Variants in ENTREP2 observed in about 807,000 individuals in gnomAD.
ENTREP2 encodes endosomal transmembrane epsin interactor 2.
the ENTREP2 span, among the ~76,000 whole-genome samples, chr15:29,325,574 T>A: frequency 6.6e-6 from 1 of 151,930 alleles, no homozygotes; most frequent in Non-Finnish European, 1.5e-5. Flanking sequence ...TCTGAACAGG[T>A]TTAAAGCTAC....
At chr15:29,622,628 G>A in the ENTREP2 span, among the ~76,000 whole-genome samples, 1 of 152,194 alleles carries the variant, frequency 6.6e-6, no homozygotes, top group Non-Finnish European at 1.5e-5. Flanking sequence ...GCCGAGACCT[G>A]TTGGTCCTCT....
the ENTREP2 span, among the ~76,000 whole-genome samples, chr15:29,633,698 C>T: frequency 4.6e-5 from 7 of 152,110 alleles, no homozygotes; most frequent in Non-Finnish European, 8.8e-5. Context: ...CGGTGGCTCA[C>T]GCCTGTAATC....
the ENTREP2 span, among the ~76,000 whole-genome samples, chr15:29,216,071 T>C: frequency 6.6e-6 from 1 of 152,212 alleles, no homozygotes. Flanking sequence ...CTGTGTGATT[T>C]ATGCTTTAAA....
At chr15:29,248,908 A>C in the ENTREP2 span, among the ~76,000 whole-genome samples, 7 of 152,256 alleles carry the variant, frequency 4.6e-5, no homozygotes, top group African/African-American at 9.6e-5. Context: ...AAAAGGATTC[A>C]ATTTGTATAA....
chr15:29,576,968 C>A, the ENTREP2 span, among the ~76,000 whole-genome samples: 1,138 of 152,088 alleles, frequency 7.5e-3, 11 homozygotes, highest in African/African-American at 0.026. Flanking sequence ...CCACCGCACC[C>A]GCTAATTTTT....
At chr15:29,583,955 A>G in the ENTREP2 span, among the ~76,000 whole-genome samples, 1 of 152,230 alleles carries the variant, frequency 6.6e-6, no homozygotes, top group Admixed American at 6.5e-5. Flanking sequence ...ATAGGTGTAC[A>G]TGTACTTGAC....
the ENTREP2 span, among the ~76,000 whole-genome samples, chr15:29,291,413 C>G: frequency 6.6e-6 from 1 of 152,192 alleles, no homozygotes; most frequent in African/African-American, 2.4e-5. Context: ...GCTGCACAGG[C>G]TCCATTTGGG....
chr15:29,219,832 A>C, the ENTREP2 span, among the ~76,000 whole-genome samples: 2 of 151,434 alleles, frequency 1.3e-5, no homozygotes, highest in Admixed American at 1.3e-4. Flanking sequence ...CAAAGGTGTA[A>C]GAGTAATACA....
the ENTREP2 span, among the ~76,000 whole-genome samples, chr15:29,617,894 A>T: frequency 6.6e-6 from 1 of 152,194 alleles, no homozygotes; most frequent in Admixed American, 6.5e-5. Context: ...GGTTAGGACC[A>T]GGCAGCCTGG....
At chr15:29,667,192 C>CT in the ENTREP2 span, among the ~76,000 whole-genome samples, 5,752 of 144,280 alleles carry the variant, frequency 0.04, 149 homozygotes, top group South Asian at 0.068. Context: ...CTTTTCTTTC[C>CT]TTTTTTTTTT....
At chr15:29,361,305 TG>T in the ENTREP2 span, among the ~76,000 whole-genome samples, 1 of 152,254 alleles carries the variant, frequency 6.6e-6, no homozygotes, top group Non-Finnish European at 1.5e-5. Flanking sequence ...CCTTGTATTA[TG>T]CTACCCAAGT....
At chr15:29,240,110 C>T in the ENTREP2 span, among the ~76,000 whole-genome samples, 1 of 152,210 alleles carries the variant, frequency 6.6e-6, no homozygotes, top group Admixed American at 6.5e-5. Flanking sequence ...CGCCTGTAAT[C>T]CCAACACTTT....
chr15:29,255,720 G>A, the ENTREP2 span, among the ~76,000 whole-genome samples: 2 of 152,086 alleles, frequency 1.3e-5, no homozygotes, highest in Non-Finnish European at 2.9e-5. Context: ...ACACAATCAT[G>A]GCCAGGCGCG....
the ENTREP2 span, among the ~76,000 whole-genome samples, chr15:29,273,082 G>C: frequency 2.0e-5 from 3 of 152,148 alleles, no homozygotes; most frequent in Admixed American, 6.5e-5. Flanking sequence ...GGGTTTCCAA[G>C]GTTATTCGGG....
At chr15:29,363,844 G>A in the ENTREP2 span, among the ~76,000 whole-genome samples, 826 of 152,146 alleles carry the variant, frequency 5.4e-3, 4 homozygotes, top group African/African-American at 9.8e-3. Flanking sequence ...GCTAATTATC[G>A]GACACCTATT....
the ENTREP2 span, among the ~76,000 whole-genome samples, chr15:29,387,772 A>G: frequency 1.4e-4 from 22 of 152,302 alleles, no homozygotes; most frequent in Middle Eastern, 0.014. Flanking sequence ...CAAAACAGAG[A>G]TACAGACCAA....
chr15:29,675,340 C>T, the ENTREP2 span: 1 of 152,362 alleles, frequency 6.6e-6, no homozygotes, highest in Non-Finnish European at 1.5e-5. Context: ...CCCACAGGCT[C>T]CTGGCCGCCG....
chr15:29,492,330 T>G, the ENTREP2 span, among the ~76,000 whole-genome samples: 1 of 152,202 alleles, frequency 6.6e-6, no homozygotes, highest in Non-Finnish European at 1.5e-5. Context: ...CTGGCATTAT[T>G]TAGATTGATT....
the ENTREP2 span, among the ~76,000 whole-genome samples, chr15:29,381,271 A>C: frequency 6.7e-6 from 1 of 149,714 alleles, no homozygotes; most frequent in Non-Finnish European, 1.5e-5. Flanking sequence ...CCTGGCCAAG[A>C]TGGTGAAACC....
Sources: gnomAD v4.1 joint callset for allele counts (sites outside exome capture counted in the v4.1 genomes callset) on GRCh38, gnomAD v4.1.1 for gene constraint, MANE v1.5 for transcripts, NCBI Gene and HGNC (gene_info 2026-07-23, HGNC 2026-07-21) for gene names.